The following KAT2B variants were observed in gnomAD, a reference collection of about 807,000 sequenced individuals.
KAT2B encodes the protein histone acetyltransferase KAT2B.
Under a neutral mutation model 105.9 loss-of-function variants are expected in KAT2B, and 36 were observed. The ratio of observed to expected loss-of-function variants is 0.34; its 90% CI spans 0.26 to 0.45. The LOEUF is 0.45. Ranked by LOEUF, KAT2B falls within the 20% of genes least tolerant of loss-of-function variation. The probability of loss-of-function intolerance (pLI) is 1.00; values close to 1 mark genes in which losing one functional copy is unlikely to be tolerated. For synonymous variants in KAT2B, 397 were observed against 377.9 expected, an observed-to-expected ratio of 1.05 and a Z score of -0.59; for missense variants, 820 against 1,021.6, an observed-to-expected ratio of 0.80 and a Z score of 2.69.
chr3:20,096,077 G>GTGAAGT (rs1235431456), intron 3 of KAT2B, among the ~76,000 whole-genome samples: 54 of 152,298 alleles, frequency 3.5e-4, no homozygotes, highest in Non-Finnish European at 6.6e-4. Context: ...TGTACAGCAA[G>GTGAAGT]GAGGGCAGCG....
chr3:20,129,751 G>A (rs1699476308), intron 11 of KAT2B, among the ~76,000 whole-genome samples: 1 of 152,166 alleles, frequency 6.6e-6, no homozygotes, highest in African/African-American at 2.4e-5. Context: ...TGCCTTTCAA[G>A]TGCTTGATAG....
intron 2 of KAT2B, among the ~76,000 whole-genome samples, chr3:20,085,029 A>G (rs1305211342): frequency 2.0e-5 from 3 of 152,174 alleles, no homozygotes; most frequent in Admixed American, 2.0e-4. Flanking sequence ...GATTGCTTTC[A>G]TAGCTTATCA....
intron 5 of KAT2B, among the ~76,000 whole-genome samples, chr3:20,103,918 C>T (rs905901175): frequency 1.3e-5 from 2 of 152,060 alleles, no homozygotes; most frequent in Non-Finnish European, 2.9e-5. Flanking sequence ...CTTTCTCTGT[C>T]CAAGTGTCAT....
chr3:20,111,162 ACT>A (rs1436034967), intron 5 of KAT2B, among the ~76,000 whole-genome samples: 2 of 152,112 alleles, frequency 1.3e-5, no homozygotes, highest in Non-Finnish European at 2.9e-5. Context: ...TGTGCCAGTA[ACT>A]CCAGTTATAC....
chr3:20,057,401 G>A (rs1204059794), intron 1 of KAT2B, among the ~76,000 whole-genome samples: 1 of 152,148 alleles, frequency 6.6e-6, no homozygotes, highest in Non-Finnish European at 1.5e-5. Context: ...GAGAACGTGA[G>A]CTGTCCAAGG....
intron 2 of KAT2B, among the ~76,000 whole-genome samples, chr3:20,080,608 A>T (rs549887759): frequency 6.6e-6 from 1 of 152,362 alleles, no homozygotes; most frequent in East Asian, 1.9e-4. Flanking sequence ...GAATTCAATA[A>T]TGGTAAAATG....
At chr3:20,106,979 GTATATATATATA>G (rs869172127) in intron 5 of KAT2B, among the ~76,000 whole-genome samples, 1,620 of 33,466 alleles carry the variant, frequency 0.048, 106 homozygotes, top group East Asian at 0.11. Flanking sequence ...ATATATATAT[GTATATATATATA>G]TATATATATA....
intron 1 of KAT2B, among the ~76,000 whole-genome samples, chr3:20,057,199 G>T (rs1698016554): frequency 2.0e-5 from 3 of 152,182 alleles, no homozygotes; most frequent in Admixed American, 1.3e-4. Flanking sequence ...CTGGGAGAAG[G>T]ACAGTGCCAA....
At chr3:20,083,596 A>T (rs1313783040) in intron 2 of KAT2B, among the ~76,000 whole-genome samples, 2 of 152,118 alleles carry the variant, frequency 1.3e-5, no homozygotes, top group South Asian at 2.1e-4. Flanking sequence ...TCTGGTAGAG[A>T]TGGGGTTGTT....
intron 2 of KAT2B, among the ~76,000 whole-genome samples, chr3:20,075,610 G>T (rs1440750395): frequency 6.6e-6 from 1 of 152,172 alleles, no homozygotes; most frequent in Non-Finnish European, 1.5e-5. Context: ...TGCTAGGATG[G>T]CTTACAGAAC....
chr3:20,046,851 A>G (rs1426758866), intron 1 of KAT2B, among the ~76,000 whole-genome samples: 1 of 152,164 alleles, frequency 6.6e-6, no homozygotes, highest in Non-Finnish European at 1.5e-5. Context: ...CAATGTCTGG[A>G]GACATTTTCA....
intron 8 of KAT2B, among the ~76,000 whole-genome samples, chr3:20,121,209 A>G (rs778947538): frequency 3.9e-5 from 6 of 152,240 alleles, no homozygotes; most frequent in Non-Finnish European, 8.8e-5. Context: ...AATATGTAAT[A>G]CTTCTGGAAG....
chr3:20,062,664 G>T (rs1484934578), intron 1 of KAT2B, among the ~76,000 whole-genome samples: 1 of 151,566 alleles, frequency 6.6e-6, no homozygotes, highest in African/African-American at 2.4e-5. Flanking sequence ...GTTTCGCCTT[G>T]TTTGCCAGAC....
intron 8 of KAT2B, among the ~76,000 whole-genome samples, chr3:20,121,483 A>G (rs1699306500): frequency 6.6e-6 from 1 of 152,202 alleles, no homozygotes; most frequent in Admixed American, 6.5e-5. Flanking sequence ...AGCGGAAGAA[A>G]GTTCTCTCTG....
At chr3:20,149,493 C>T (rs56067451) in intron 17 of KAT2B, among the ~76,000 whole-genome samples, 2 of 34,054 alleles carry the variant, frequency 5.9e-5, no homozygotes, top group Non-Finnish European at 7.8e-5. Flanking sequence ...GAGACCGTAT[C>T]TCAAAAAAAA....
At chr3:20,062,017 A>G in intron 1 of KAT2B, among the ~76,000 whole-genome samples, 1 of 107,436 alleles carries the variant, frequency 9.3e-6, no homozygotes, top group Non-Finnish European at 1.7e-5. Context: ...TATATATTAT[A>G]TATAAAACAT....
chr3:20,081,100 T>C (rs552972107), intron 2 of KAT2B, among the ~76,000 whole-genome samples: 2 of 152,208 alleles, frequency 1.3e-5, no homozygotes, highest in African/African-American at 4.8e-5. Flanking sequence ...ACAGATTTCA[T>C]TGTAGTCATT....
At chr3:20,085,862 AATTG>A (rs1256727477) in intron 2 of KAT2B, among the ~76,000 whole-genome samples, 2 of 152,182 alleles carry the variant, frequency 1.3e-5, no homozygotes, top group Admixed American at 6.5e-5. Context: ...GAAACAATTT[AATTG>A]ATTATTCTTT....
chr3:20,135,522 C>T (rs960547261), intron 11 of KAT2B, among the ~76,000 whole-genome samples: 1 of 151,926 alleles, frequency 6.6e-6, no homozygotes, highest in Non-Finnish European at 1.5e-5. Flanking sequence ...GGTGTGGTGG[C>T]GGGCACCTGT....
Sources: gnomAD v4.1 joint callset for allele counts (sites outside exome capture counted in the v4.1 genomes callset) on GRCh38, gnomAD v4.1.1 for gene constraint, MANE v1.5 for transcripts, NCBI Gene and HGNC (gene_info 2026-07-23, HGNC 2026-07-21) for gene names.